The following SLC7A1 variants were observed in gnomAD, a reference collection of about 807,000 sequenced individuals.
SLC7A1 encodes high affinity cationic amino acid transporter 1.
Under a neutral mutation model 53.9 loss-of-function variants are expected in SLC7A1, and 10 were observed. That is an observed-to-expected ratio of 0.19 (90% CI 0.11 to 0.31). The LOEUF is 0.31. Ranked by LOEUF, SLC7A1 falls within the 10% of genes least tolerant of loss-of-function variation. The pLI, the probability that SLC7A1 is intolerant of heterozygous loss-of-function variation, is 1.00. For synonymous variants in SLC7A1, 342 were observed against 338.7 expected, an observed-to-expected ratio of 1.01 and a Z score of -0.11; for missense variants, 525 against 827.2, an observed-to-expected ratio of 0.63 and a Z score of 4.48.
At chr13:29,518,599 C>T (rs1697911346) in intron 9 of SLC7A1, among the ~76,000 whole-genome samples, 1 of 152,126 alleles carries the variant, frequency 6.6e-6, no homozygotes, top group South Asian at 2.1e-4. Flanking sequence ...TAGCATTGGG[C>T]CCCTTGGGAG....
chr13:29,590,880 G>C (rs1255344295), intron 1 of SLC7A1, among the ~76,000 whole-genome samples: 2 of 152,128 alleles, frequency 1.3e-5, no homozygotes, highest in Non-Finnish European at 2.9e-5. Context: ...GAGGCAGGTG[G>C]ATCACTTGAG....
chr13:29,524,834 G>A (rs1030242490), intron 5 of SLC7A1, among the ~76,000 whole-genome samples: 1 of 152,206 alleles, frequency 6.6e-6, no homozygotes, highest in Non-Finnish European at 1.5e-5. Context: ...CCCACGGGAG[G>A]GGCTCAGCAC....
intron 3 of SLC7A1, among the ~76,000 whole-genome samples, chr13:29,534,160 C>T (rs932015400): frequency 3.3e-5 from 5 of 152,206 alleles, no homozygotes; most frequent in Admixed American, 2.0e-4. Context: ...TCTTCCCAGC[C>T]TATCCACTCC....
chr13:29,531,120 A>C (rs1869137727), intron 4 of SLC7A1, among the ~76,000 whole-genome samples: 1 of 152,206 alleles, frequency 6.6e-6, no homozygotes, highest in African/African-American at 2.4e-5. Flanking sequence ...TCCAGGAAGA[A>C]AGACTTTGCA....
At position 29,532,316 on chromosome 13, in the gene SLC7A1, CTG is replaced by C. The variant is rs1869198647; in HGVS notation, c.529+506_529+507del. Among the ~76,000 whole-genome samples the C allele has an allele frequency of 2.0e-5, 3 of 152,202 alleles. No homozygotes were observed. In the South Asian group the frequency reaches 6.2e-4, roughly 31 times the overall value. On this transcript the variant is annotated intron_variant, in intron 4 of 12. Coordinates refer to ENST00000380752, the MANE Select transcript of SLC7A1 (RefSeq NM_003045.5). ...TTTTTCAAATTCTGTAACCACAACT[CTG>C]TCATGAAACTTATTTACTGAAAGGG...
Position 29,511,463 on chromosome 13 carries a change from A to G in SLC7A1, c.*3017T>C, listed in dbSNP as rs1296542890. The G allele has an allele frequency of 1.3e-5, 2 of 152,230 alleles. No individual in the cohort carries two copies. Among genetic ancestry groups the G allele is most frequent in the African/African-American group, 2.4e-5 (1 of 41,450 alleles). 9.4% of individuals were successfully genotyped at this position (152,230 alleles called of 1,614,324 possible). On this transcript the variant is annotated 3_prime_UTR_variant, in exon 13 of 13. Coordinates refer to ENST00000380752, the MANE Select transcript of SLC7A1 (RefSeq NM_003045.5). ...CTGTCCTCTTGATTTGGAAAAATAA[A>G]TCCGATGCATAAAGCCTTGGACAAG...
chr13:29,543,807 G>A (rs1869780627), intron 2 of SLC7A1, among the ~76,000 whole-genome samples: 1 of 151,978 alleles, frequency 6.6e-6, no homozygotes, highest in African/African-American at 2.4e-5. Context: ...GGGGTGGAGA[G>A]GAGGCAAGGA....
intron 2 of SLC7A1, among the ~76,000 whole-genome samples, chr13:29,552,827 C>T (rs1870258814): frequency 6.6e-6 from 1 of 151,946 alleles, no homozygotes; most frequent in African/African-American, 2.4e-5. Context: ...CCCAATTTCC[C>T]ACTCCACATT....
At chr13:29,577,648 G>A (rs1350205298) in intron 1 of SLC7A1, among the ~76,000 whole-genome samples, 1 of 152,228 alleles carries the variant, frequency 6.6e-6, no homozygotes. Flanking sequence ...GCTCTGACGG[G>A]CCTCTTGGCC....
intron 1 of SLC7A1, among the ~76,000 whole-genome samples, chr13:29,567,675 G>A (rs1465748319): frequency 1.3e-5 from 2 of 152,268 alleles, no homozygotes; most frequent in East Asian, 1.9e-4. Flanking sequence ...TCCCTCCCAC[G>A]GATGCAACCC....
intron 1 of SLC7A1, among the ~76,000 whole-genome samples, chr13:29,561,822 G>A (rs1017237601): frequency 1.2e-4 from 19 of 152,122 alleles, no homozygotes; most frequent in South Asian, 2.1e-4. Flanking sequence ...TGGCACCACC[G>A]GACTGCATCA....
intron 1 of SLC7A1, among the ~76,000 whole-genome samples, chr13:29,554,893 G>A (rs994625495): frequency 6.6e-6 from 1 of 151,896 alleles, no homozygotes; most frequent in Non-Finnish European, 1.5e-5. Context: ...CAAACCTACA[G>A]AAGTTGAATG....
At position 29,570,297 on chromosome 13, in the gene SLC7A1, C is replaced by T. The variant is rs2669039; in HGVS notation, c.-114-16437G>A. Among the ~76,000 whole-genome samples the T allele has an allele frequency of 2.7e-3, 406 of 152,358 alleles. 3 individuals carry two copies. The highest frequency in any genetic ancestry group is 9.1e-3 in the African/African-American group (380 of 41,594). On this transcript the variant is annotated intron_variant, in intron 1 of 12. Coordinates refer to ENST00000380752, the MANE Select transcript of SLC7A1 (RefSeq NM_003045.5). ...AGTTTGCATCAAGCAACGTTATTGACTTGCCATTGAATAGAAAAATTCTTT... is the reference window on the plus strand; with the variant it reads ...AGTTTGCATCAAGCAACGTTATTGATTTGCCATTGAATAGAAAAATTCTTT...
chr13:29,584,893 C>T (rs372700040), intron 1 of SLC7A1, among the ~76,000 whole-genome samples: 113 of 152,322 alleles, frequency 7.4e-4, no homozygotes, highest in African/African-American at 2.6e-3. Flanking sequence ...TTTTCTCACT[C>T]TTCTTCCCCA....
chr13:29,515,861 G>A (rs986747432), intron 12 of SLC7A1, among the ~76,000 whole-genome samples: 2 of 152,252 alleles, frequency 1.3e-5, no homozygotes, highest in African/African-American at 4.8e-5. Flanking sequence ...TTTCCTGTCT[G>A]GGGTGAAAAT....
chr13:29,552,112 A>G (rs897030422), intron 2 of SLC7A1, among the ~76,000 whole-genome samples: 2 of 152,124 alleles, frequency 1.3e-5, no homozygotes, highest in Non-Finnish European at 2.9e-5. Context: ...GCTGAGCCTA[A>G]GTATGTGTGC....
At chr13:29,574,319 C>T (rs1366827486) in intron 1 of SLC7A1, among the ~76,000 whole-genome samples, 1 of 152,230 alleles carries the variant, frequency 6.6e-6, no homozygotes, top group Non-Finnish European at 1.5e-5. Flanking sequence ...CCAGAAAGGC[C>T]TACAGAGCTC....
chr13:29,530,480 C>T (rs1222934556), intron 5 of SLC7A1, 58 bp downstream of exon 5: 1 of 1,444,970 alleles, frequency 6.9e-7, no homozygotes, highest in Non-Finnish European at 9.7e-7. Context: ...TTATATCCCC[C>T]ATACAATCTA....
At chr13:29,589,703 G>A (rs1413400570) in intron 1 of SLC7A1, among the ~76,000 whole-genome samples, 2 of 152,216 alleles carry the variant, frequency 1.3e-5, no homozygotes, top group African/African-American at 4.8e-5. Context: ...GCAGGCAGAT[G>A]GGCTTCAGAT....
Sources: gnomAD v4.1 joint callset for allele counts (sites outside exome capture counted in the v4.1 genomes callset) on GRCh38, gnomAD v4.1.1 for gene constraint, MANE v1.5 for transcripts, NCBI Gene and HGNC (gene_info 2026-07-23, HGNC 2026-07-21) for gene names.